Variants in ARL15 observed in about 807,000 individuals in gnomAD.
ARL15 encodes the protein ARF like GTPase 15, also known as ADP-ribosylation factor-like protein 15.
Under a neutral mutation model 25.2 loss-of-function variants are expected in ARL15, and 19 were observed. The ratio of observed to expected loss-of-function variants is 0.75; its 90% CI spans 0.53 to 1.10. The LOEUF is 1.10. Among genes scored for constraint, ARL15 ranks in the 50% least tolerant of loss-of-function variants. The probability of loss-of-function intolerance (pLI) is 0.00; values close to 1 mark genes in which losing one functional copy is unlikely to be tolerated. For missense variants in ARL15, 220 were observed against 246.0 expected, an observed-to-expected ratio of 0.89 and a Z score of 0.71; for synonymous variants, 94 against 86.8, an observed-to-expected ratio of 1.08 and a Z score of -0.46.
intron 4 of ARL15, among the ~76,000 whole-genome samples, chr5:53,897,138 G>A (rs1744899604): frequency 6.6e-6 from 1 of 152,122 alleles, no homozygotes. Flanking sequence ...ATACGATTCA[G>A]TTGCTTTTAG....
At chr5:54,237,732 C>A (rs1238562696) in intron 1 of ARL15, among the ~76,000 whole-genome samples, 1 of 152,162 alleles carries the variant, frequency 6.6e-6, no homozygotes, top group African/African-American at 2.4e-5. Flanking sequence ...AGAAGAAATG[C>A]GGGTGATCCT....
chr5:54,078,567 T>G (rs573515223), intron 4 of ARL15, among the ~76,000 whole-genome samples: 154 of 152,324 alleles, frequency 1.0e-3, no homozygotes, highest in African/African-American at 3.0e-3. Flanking sequence ...TGGCAAATAT[T>G]CAACCCTGAC....
intron 1 of ARL15, among the ~76,000 whole-genome samples, chr5:54,306,164 G>A (rs1758749079): frequency 6.6e-6 from 1 of 152,032 alleles, no homozygotes; most frequent in South Asian, 2.1e-4. Flanking sequence ...GAAAGTAAGG[G>A]CTCCATAAAT....
intron 4 of ARL15, among the ~76,000 whole-genome samples, chr5:54,111,278 C>T (rs1752731763): frequency 6.6e-6 from 1 of 151,948 alleles, no homozygotes; most frequent in East Asian, 1.9e-4. Flanking sequence ...CCAGTATACA[C>T]AAGTTTAGAA....
At chr5:54,052,957 G>A (rs1173572228) in intron 4 of ARL15, among the ~76,000 whole-genome samples, 1 of 152,022 alleles carries the variant, frequency 6.6e-6, no homozygotes, top group Non-Finnish European at 1.5e-5. Context: ...GTTAGGAAGT[G>A]CCAAAAGAAA....
intron 4 of ARL15, among the ~76,000 whole-genome samples, chr5:54,041,902 C>A (rs942410061): frequency 6.6e-6 from 1 of 151,952 alleles, no homozygotes; most frequent in African/African-American, 2.4e-5. Context: ...GGTAAAAAAT[C>A]CTCCAATAGA....
intron 4 of ARL15, among the ~76,000 whole-genome samples, chr5:53,971,793 C>T (rs1481490746): frequency 1.3e-5 from 2 of 152,166 alleles, no homozygotes; most frequent in African/African-American, 2.4e-5. Context: ...TGAATTCTTG[C>T]TGATGTGATG....
intron 1 of ARL15, among the ~76,000 whole-genome samples, chr5:54,216,984 T>C (rs1209421277): frequency 6.6e-6 from 1 of 152,082 alleles, no homozygotes; most frequent in Non-Finnish European, 1.5e-5. Context: ...TTAAATAGTT[T>C]AAGGTAAAAA....
Position 54,233,186 on chromosome 5 carries a change from C to T in ARL15, c.49-61258G>A, listed in dbSNP as rs377532743. Among the ~76,000 whole-genome samples, 48 of 152,270 alleles carry T rather than the reference C, an allele frequency of 3.2e-4. 1 individual carries two copies. In the South Asian group the frequency reaches 6.4e-3, roughly 20 times the overall value. ...CGTTACTATTCTGTGTGATGAAATA[C>T]ATACAAAACATTTCTGCTCTATGTA... On this transcript the variant is annotated intron_variant, in intron 1 of 4. Transcript: ENST00000504924.
At chr5:54,036,094 T>G (rs404129) in intron 4 of ARL15, among the ~76,000 whole-genome samples, 102,984 of 151,440 alleles carry the variant, frequency 0.68, 35,182 homozygotes, top group East Asian at 0.85. Flanking sequence ...AAGTTGCAGT[T>G]AGCTAAGATC....
intron 3 of ARL15, among the ~76,000 whole-genome samples, chr5:54,137,562 C>T (rs527251475): frequency 6.6e-6 from 1 of 152,262 alleles, no homozygotes; most frequent in Admixed American, 6.5e-5. Context: ...CTCTAATAAA[C>T]CTGGGGTAGA....
Position 54,218,992 on chromosome 5 carries a change from T to C in ARL15, c.49-47064A>G, listed in dbSNP as rs890091218. ...GGAAAAACTGCTACTGCTGTTTTTTTTTTTTTTAAGACAGTAATCTGAAAA... is the reference window on the plus strand; with the variant it reads ...GGAAAAACTGCTACTGCTGTTTTTTCTTTTTTTAAGACAGTAATCTGAAAA... On this transcript the variant is annotated intron_variant, in intron 1 of 4. Coordinates refer to ENST00000504924, the MANE Select transcript of ARL15 (RefSeq NM_019087.3). Among the ~76,000 whole-genome samples, 7 of 152,154 alleles carry C rather than the reference T, an allele frequency of 4.6e-5. No homozygotes were observed. In the South Asian group the frequency reaches 1.5e-3, roughly 32 times the overall value.
intron 3 of ARL15, among the ~76,000 whole-genome samples, chr5:54,145,322 T>C (rs889520522): frequency 6.6e-6 from 1 of 152,164 alleles, no homozygotes; most frequent in Admixed American, 6.5e-5. Context: ...GCATCTTCAG[T>C]AGAATCTTTC....
At chr5:54,148,068 A>G (rs1477574316) in intron 3 of ARL15, among the ~76,000 whole-genome samples, 1 of 152,196 alleles carries the variant, frequency 6.6e-6, no homozygotes, top group South Asian at 2.1e-4. Context: ...CTCTAAAGTA[A>G]GATTTAATAA....
intron 4 of ARL15, among the ~76,000 whole-genome samples, chr5:53,887,687 G>C (rs1015477554): frequency 6.6e-6 from 1 of 152,110 alleles, no homozygotes; most frequent in African/African-American, 2.4e-5. Context: ...ATCAAATACA[G>C]TTAGTAGCAA....
chr5:54,112,434 G>A (rs982690207), intron 4 of ARL15, among the ~76,000 whole-genome samples: 6 of 152,152 alleles, frequency 3.9e-5, no homozygotes, highest in African/African-American at 1.4e-4. Context: ...GAGGAAGCAT[G>A]CAATTTTCTG....
At chr5:53,915,998 C>T (rs1451159762) in intron 4 of ARL15, among the ~76,000 whole-genome samples, 2 of 152,132 alleles carry the variant, frequency 1.3e-5, no homozygotes, top group African/African-American at 4.8e-5. Flanking sequence ...CCTTGACCTT[C>T]TGGGCTCAGG....
chr5:54,266,470 C>T (rs1400614164), intron 1 of ARL15, among the ~76,000 whole-genome samples: 1 of 152,168 alleles, frequency 6.6e-6, no homozygotes, highest in East Asian at 1.9e-4. Flanking sequence ...ATGGGTATGT[C>T]CCTGCTTTTG....
intron 1 of ARL15, among the ~76,000 whole-genome samples, chr5:54,270,425 T>C (rs988944613): frequency 6.6e-6 from 1 of 152,210 alleles, no homozygotes; most frequent in Non-Finnish European, 1.5e-5. Flanking sequence ...AAATGAACAA[T>C]GATTTTCTTA....
Sources: gnomAD v4.1 joint callset for allele counts (sites outside exome capture counted in the v4.1 genomes callset) on GRCh38, gnomAD v4.1.1 for gene constraint, MANE v1.5 for transcripts, NCBI Gene and HGNC (gene_info 2026-07-23, HGNC 2026-07-21) for gene names.